ASIC2: variants seen among roughly 807,000 people sequenced by gnomAD.
The protein encoded by ASIC2 is acid sensing ion channel subunit 2.
ASIC2 carries 25 observed loss-of-function variants against 57.3 expected under a neutral mutation model. That is an observed-to-expected ratio of 0.44 (90% CI 0.32 to 0.61). ASIC2 has a LOEUF of 0.61. Ranked by LOEUF, ASIC2 falls within the 20% of genes least tolerant of loss-of-function variation. The probability of loss-of-function intolerance (pLI) is 0.06; values close to 1 mark genes in which losing one functional copy is unlikely to be tolerated. For synonymous variants in ASIC2, 319 were observed against 307.5 expected, an observed-to-expected ratio of 1.04 and a Z score of -0.39; for missense variants, 641 against 738.1, an observed-to-expected ratio of 0.87 and a Z score of 1.52.
rs147692192 is a variant in ASIC2 at position 33,161,737 on chromosome 17, G to A, written c.709-49670C>T. Among the ~76,000 whole-genome samples, 159 of 152,118 alleles carry A rather than the reference G, an allele frequency of 1.0e-3. 5 individuals are homozygous for A. In the East Asian group the frequency reaches 0.026, roughly 25 times the overall value. The stretch of plus-strand genomic sequence containing the variant: ...CTGATGGCTGGGGTCTTTCCCCACG[G>A]CATTTTATGCAAACCTCACTAGGAT... On this transcript the variant is annotated intron_variant, in intron 1 of 9. Transcript: ENST00000225823.
chr17:33,545,431 A>G (rs1181939293), intron 1 of ASIC2, among the ~76,000 whole-genome samples: 1 of 152,128 alleles, frequency 6.6e-6, no homozygotes, highest in Non-Finnish European at 1.5e-5. Flanking sequence ...AAAATTGTGC[A>G]TCTTAGAGCT....
At position 33,366,071 on chromosome 17, in the gene ASIC2, A is replaced by G. The variant is rs138016308; in HGVS notation, c.556-254004T>C. 1.3e-3 allele frequency among the ~76,000 whole-genome samples: 204 copies of G among 152,332 alleles called. 6 individuals are homozygous for G. The East Asian group carries it at 0.032, about 24-fold the overall frequency. On this transcript the variant is annotated intron_variant, in intron 1 of 9. Coordinates refer to the ASIC2 transcript ENST00000359872. ...TGACTAGGTTGGCAAGGCTGCTCTA[A>G]GAACAGAGGCTGTTTGCTTCTGGCT...
At chr17:33,028,216 T>C (rs777978255) in intron 4 of ASIC2, 26 bp downstream of exon 4, 3 of 1,612,138 alleles carry the variant, frequency 1.9e-6, no homozygotes, top group East Asian at 4.5e-5. Flanking sequence ...CCCAGGGCCC[T>C]GTGGCCACCC....
At chr17:34,065,565 G>T (rs1909141661) in intron 1 of ASIC2, among the ~76,000 whole-genome samples, 1 of 152,042 alleles carries the variant, frequency 6.6e-6, no homozygotes, top group African/African-American at 2.4e-5. Flanking sequence ...TGTTTCCAAA[G>T]CCTATACACC....
intron 1 of ASIC2, among the ~76,000 whole-genome samples, chr17:33,236,789 C>A (rs1908310977): frequency 6.6e-6 from 1 of 152,064 alleles, no homozygotes; most frequent in Admixed American, 6.5e-5. Flanking sequence ...GGCCACGTGT[C>A]AATGGAGGGA....
chr17:33,482,824 C>G (rs1386483452), intron 1 of ASIC2, among the ~76,000 whole-genome samples: 1 of 152,214 alleles, frequency 6.6e-6, no homozygotes, highest in South Asian at 2.1e-4. Context: ...CTCTCGGACA[C>G]ACCTGTTCAA....
chr17:33,135,922 A>G (rs910217732), intron 1 of ASIC2, among the ~76,000 whole-genome samples: 2 of 152,246 alleles, frequency 1.3e-5, no homozygotes, highest in Non-Finnish European at 2.9e-5. Context: ...CTCCATGTCT[A>G]CATTGGTCTC....
In ASIC2 at chr17:33,668,883, G is replaced by A. The variant is rs8077861; in HGVS notation, c.555+487095C>T. Among the ~76,000 whole-genome samples, 978 of 152,212 alleles carry A rather than the reference G, an allele frequency of 6.4e-3. 11 individuals are homozygous for A. The highest frequency in any genetic ancestry group is 0.022 in the African/African-American group (930 of 41,536). On this transcript the variant is annotated intron_variant, in intron 1 of 9. Coordinates refer to the ASIC2 transcript ENST00000359872. ...TAGCAGATGCAAAGGTAAATTCCTC[G>A]TACCCTTCCAGATGCTGCCAGTGTA...
At chr17:33,096,233 C>T (rs2092178832) in intron 2 of ASIC2, among the ~76,000 whole-genome samples, 1 of 152,200 alleles carries the variant, frequency 6.6e-6, no homozygotes, top group Non-Finnish European at 1.5e-5. Flanking sequence ...CAGAAAGGAA[C>T]AACTGACCCT....
chr17:33,136,675 A>G (rs547086498), intron 1 of ASIC2, among the ~76,000 whole-genome samples: 2 of 152,208 alleles, frequency 1.3e-5, no homozygotes, highest in Non-Finnish European at 2.9e-5. Flanking sequence ...AAATACTTAA[A>G]GAGTATGCAT....
At chr17:33,443,397 G>A (rs1427695061) in intron 1 of ASIC2, among the ~76,000 whole-genome samples, 1 of 136,174 alleles carries the variant, frequency 7.3e-6, no homozygotes. Flanking sequence ...ATGTATGGTG[G>A]AGGGTAAGAT....
intron 1 of ASIC2, among the ~76,000 whole-genome samples, chr17:34,029,336 T>C (rs1484297341): frequency 7.4e-6 from 1 of 135,676 alleles, no homozygotes; most frequent in Non-Finnish European, 1.5e-5. Context: ...AATAAATGAA[T>C]GAATGAATGC....
chr17:33,816,992 C>T (rs906928303), intron 1 of ASIC2, among the ~76,000 whole-genome samples: 1 of 152,248 alleles, frequency 6.6e-6, no homozygotes, highest in Non-Finnish European at 1.5e-5. Context: ...GCTGACTCTG[C>T]TGAGCTCACA....
At chr17:33,348,968 C>T (rs190386379) in intron 1 of ASIC2, among the ~76,000 whole-genome samples, 1 of 152,278 alleles carries the variant, frequency 6.6e-6, no homozygotes, top group Non-Finnish European at 1.5e-5. Flanking sequence ...AACAAATCCA[C>T]TAGGGATCCT....
chr17:33,438,850 T>A (rs1463973151), intron 1 of ASIC2, among the ~76,000 whole-genome samples: 1 of 61,900 alleles, frequency 1.6e-5, no homozygotes, highest in Non-Finnish European at 3.8e-5. Flanking sequence ...AGGGGAACCT[T>A]TTTTTTTTTT....
intron 1 of ASIC2, among the ~76,000 whole-genome samples, chr17:34,066,722 T>C (rs144263445): frequency 1.3e-5 from 2 of 152,318 alleles, no homozygotes; most frequent in East Asian, 3.9e-4. Context: ...CTCCGCTCAT[T>C]GTATCCAGTG....
At chr17:33,460,699 T>C (rs1912606583) in intron 1 of ASIC2, among the ~76,000 whole-genome samples, 1 of 152,240 alleles carries the variant, frequency 6.6e-6, no homozygotes, top group Admixed American at 6.5e-5. Flanking sequence ...TGAGCTTATA[T>C]GTTATGACTT....
chr17:34,103,379 C>A (rs564560721), intron 1 of ASIC2, among the ~76,000 whole-genome samples: 17 of 152,096 alleles, frequency 1.1e-4, no homozygotes, highest in Admixed American at 1.3e-4. Context: ...GTCTCAAATT[C>A]CTGTGCTCAA....
chr17:33,424,992 C>A (rs1911170117), intron 1 of ASIC2, among the ~76,000 whole-genome samples: 1 of 152,202 alleles, frequency 6.6e-6, no homozygotes, highest in South Asian at 2.1e-4. Flanking sequence ...AGAGGAAATG[C>A]ACATTTATTA....
Sources: gnomAD v4.1 joint callset for allele counts (sites outside exome capture counted in the v4.1 genomes callset) on GRCh38, gnomAD v4.1.1 for gene constraint, MANE v1.5 for transcripts, NCBI Gene and HGNC (gene_info 2026-07-23, HGNC 2026-07-21) for gene names.